Variants in TECTA observed in about 807,000 individuals in gnomAD.
The protein encoded by TECTA is alpha-tectorin.
In TECTA, 128 loss-of-function variants were observed where a neutral mutation model predicts 216.8. That is an observed-to-expected ratio of 0.59 (90% CI 0.51 to 0.68). The LOEUF (loss-of-function observed/expected upper bound fraction) is 0.68. TECTA is among the 30% of genes least tolerant of loss of function. The pLI is 0.00. For missense variants in TECTA, 2,551 were observed against 2,786.2 expected (o/e 0.92, Z 1.90); for synonymous variants, 1,089 against 1,117.1 (o/e 0.97, Z 0.50).
At chr11:121,183,222 G>A (rs974436592) in intron 20 of TECTA, among the ~76,000 whole-genome samples, 4 of 152,174 alleles carry the variant, frequency 2.6e-5, no homozygotes, top group Non-Finnish European at 5.9e-5. Context: ...GGGATGTGAA[G>A]AAGCAGGGGA....
chr11:121,172,545 C>A (rs2134201228), intron 20 of TECTA, among the ~76,000 whole-genome samples: 1 of 152,292 alleles, frequency 6.6e-6, no homozygotes, highest in African/African-American at 2.4e-5. Flanking sequence ...TACATAGTAT[C>A]CCATGGTGTA....
intron 13 of TECTA, among the ~76,000 whole-genome samples, chr11:121,155,134 T>A (rs1424094610): frequency 1.3e-5 from 2 of 152,130 alleles, no homozygotes; most frequent in African/African-American, 2.4e-5. Context: ...TCTTCGGAAA[T>A]GAATAGAGAA....
At chr11:121,181,450 A>AATTATTATTATTATTATTATTATT (rs60183386) in intron 20 of TECTA, among the ~76,000 whole-genome samples, 40 of 148,272 alleles carry the variant, frequency 2.7e-4, no homozygotes, top group African/African-American at 9.2e-4. Context: ...GTTGCTGGAG[A>AATTATTATTATTATTATTATTATT]ATTATTATTA....
chr11:121,158,354 G>A (rs1216026262), intron 14 of TECTA, 130 bp downstream of exon 14: 8 of 1,288,290 alleles, frequency 6.2e-6, no homozygotes, highest in Non-Finnish European at 8.8e-6. Context: ...CACACACAGT[G>A]ACCAGGTTTT....
chr11:121,187,784 TA>T (rs1565541781), intron 20 of TECTA, 47 bp from the exon 21 acceptor site: 1 of 1,609,328 alleles, frequency 6.2e-7, no homozygotes, highest in African/African-American at 1.3e-5. Context: ...GATTAAGGTG[TA>T]AGAGGAAAAC....
chr11:121,122,157 C>G (rs1042634042), intron 7 of TECTA, among the ~76,000 whole-genome samples: 1 of 152,052 alleles, frequency 6.6e-6, no homozygotes, highest in Non-Finnish European at 1.5e-5. Context: ...TTTGTGTCCC[C>G]TCAAAATTCA....
chr11:121,127,708 G>C lies in TECTA; in HGVS notation c.1775-44G>C, dbSNP rs765883766. 1 of 1,608,030 alleles carries C rather than the reference G, an allele frequency of 6.2e-7. No homozygotes were observed. The highest frequency in any genetic ancestry group is 8.5e-7 in the Non-Finnish European group (1 of 1,174,664). ...AGATTCTGGCGGGTTAGCACTCCGG[G>C]TCCATTCACCTTGTTATCGGCTCTC... is the stretch of plus-strand genomic sequence containing the variant. On this transcript the variant is annotated intron_variant, in intron 8 of 23. Transcript: ENST00000392793. This position sits in a 1 kb window ranked among gnomAD's most constrained non-coding sequence, Gnocchi z 5.0.
chr11:121,148,351 G>A (rs1415358503), intron 12 of TECTA, among the ~76,000 whole-genome samples: 1 of 152,134 alleles, frequency 6.6e-6, no homozygotes, highest in Non-Finnish European at 1.5e-5. Context: ...AAAAGTTAGA[G>A]CACCTGAGGA....
chr11:121,116,870 G>A (rs536627885), intron 6 of TECTA, among the ~76,000 whole-genome samples: 2 of 152,316 alleles, frequency 1.3e-5, no homozygotes, highest in African/African-American at 4.8e-5. Context: ...TAGTGCCAAG[G>A]AGTGCTGAGG....
intron 12 of TECTA, among the ~76,000 whole-genome samples, chr11:121,150,254 GA>G (rs1946876784): frequency 6.6e-6 from 1 of 152,224 alleles, no homozygotes; most frequent in African/African-American, 2.4e-5. Context: ...AAATTACTGG[GA>G]AAACATATTT....
chr11:121,119,583 T>G (rs1309520034), intron 7 of TECTA, among the ~76,000 whole-genome samples: 1 of 152,240 alleles, frequency 6.6e-6, no homozygotes, highest in Non-Finnish European at 1.5e-5. Context: ...ATTCAAGCAG[T>G]AATAACCAAG....
intron 20 of TECTA, among the ~76,000 whole-genome samples, chr11:121,171,932 G>A (rs976181016): frequency 6.6e-6 from 1 of 152,098 alleles, no homozygotes. Flanking sequence ...AACTGGCTAG[G>A]ACTTCTAGTA....
In TECTA at chr11:121,158,216, A is replaced by G. The variant is rs774046945; in HGVS notation, c.4681A>G (p.Thr1561Ala). 1 of 1,612,732 alleles carries G rather than the reference A, an allele frequency of 6.2e-7. No homozygotes were observed. The highest frequency in any genetic ancestry group is 2.2e-5 in the East Asian group (1 of 44,892). The change falls in exon 14 of 24, where the codon ACG becomes GCG. Residue 1561 changes from threonine to alanine, a missense_variant. Coordinates refer to ENST00000392793, the MANE Select transcript of TECTA (RefSeq NM_005422.4). ...EEQILINDRN[T>A]VKVNGTQVNV... ...GCAGATTCTCATCAACGACCGGAAC[A>G]CGGTCAAGGTAACCAGCCTGGCGGC...
intron 9 of TECTA, among the ~76,000 whole-genome samples, chr11:121,129,336 C>T (rs889600759): frequency 6.6e-6 from 1 of 152,306 alleles, no homozygotes; most frequent in South Asian, 2.1e-4. Flanking sequence ...AGATGCCAGG[C>T]GGCAGGAGGG....
intron 2 of TECTA, among the ~76,000 whole-genome samples, chr11:121,104,824 G>A (rs1946377211): frequency 6.6e-6 from 1 of 151,962 alleles, no homozygotes; most frequent in African/African-American, 2.4e-5. Flanking sequence ...GCATGGTCTT[G>A]CCCCTGCCCC....
intron 10 of TECTA, among the ~76,000 whole-genome samples, chr11:121,136,186 C>T (rs1385737109): frequency 6.6e-6 from 1 of 152,098 alleles, no homozygotes; most frequent in Non-Finnish European, 1.5e-5. Context: ...GTCTTGAACT[C>T]CTGACCTCAG....
intron 14 of TECTA, among the ~76,000 whole-genome samples, chr11:121,158,847 AC>A (rs1017258011): frequency 6.6e-6 from 1 of 151,586 alleles, no homozygotes; most frequent in Non-Finnish European, 1.5e-5. Context: ...ATAAATGTAA[AC>A]CCCCCACCCA....
chr11:121,166,868 G>C, intron 18 of TECTA, 88 bp downstream of exon 18: 3 of 1,477,898 alleles, frequency 2.0e-6, no homozygotes, highest in Middle Eastern at 1.8e-4. Flanking sequence ...ACCAACTTCA[G>C]GGTGATCTGC....
chr11:121,180,440 C>T (rs1306202386), intron 20 of TECTA, among the ~76,000 whole-genome samples: 2 of 152,148 alleles, frequency 1.3e-5, no homozygotes, highest in Non-Finnish European at 2.9e-5. Context: ...TGAATATATC[C>T]TTGCATTCTC....
Sources: allele counts gnomAD v4.1 joint callset (sites outside exome capture counted in the v4.1 genomes callset), GRCh38; gene constraint gnomAD v4.1.1; non-coding constraint Gnocchi (gnomAD v3.1); transcripts MANE v1.5; gene names NCBI Gene and HGNC (gene_info 2026-07-23, HGNC 2026-07-21).